The following KATNB1 variants were observed in gnomAD, a reference collection of about 807,000 sequenced individuals.
KATNB1 encodes katanin p80 WD40 repeat-containing subunit B1.
In KATNB1, 38 loss-of-function variants were observed where a neutral mutation model predicts 82.3. That is an observed-to-expected ratio of 0.46 (90% CI 0.36 to 0.61). KATNB1 has a LOEUF of 0.61. KATNB1 is among the 20% of genes least tolerant of loss of function. The pLI, the probability that KATNB1 is intolerant of heterozygous loss-of-function variation, is 0.00. For synonymous variants in KATNB1, 361 were observed against 368.7 expected (o/e 0.98, Z 0.24); for missense variants, 749 against 915.7 (o/e 0.82, Z 2.35).
In KATNB1 at chr16:57,757,035, C is replaced by T. The variant is rs2049298830; in HGVS notation, c.*89C>T. 3.7e-6 allele frequency: 5 copies of T among 1,352,190 alleles called. No homozygotes were observed. The highest frequency in any genetic ancestry group is 4.8e-6 in the Non-Finnish European group (5 of 1,041,878). The allele number at this position is 1,352,190 out of a possible 1,614,324, so 83.8% of individuals were successfully genotyped here. On this transcript the variant is annotated 3_prime_UTR_variant, in exon 20 of 20. Transcript: ENST00000379661. ...CCTTGTGCACCCACTGGCCCATGAG[C>T]CTCTGCCTGGCCCCTGCTGCTGTCC... is the stretch of plus-strand genomic sequence containing the variant.
Position 57,737,196 on chromosome 16 carries a change from G to T in KATNB1, c.-48G>T, listed in dbSNP as rs2049107334. The T allele has an allele frequency of 1.2e-6, 2 of 1,611,912 alleles. No homozygotes were observed. The highest frequency in any genetic ancestry group is 1.7e-6 in the Non-Finnish European group (2 of 1,178,716). ...GATCCACCCCCACCCCACGAGGAAA[G>T]CACAGTTTATTTTGTGGGTGGGGCT... On this transcript the variant is annotated 5_prime_UTR_variant, in exon 2 of 20. Transcript: ENST00000379661.
intron 1 of KATNB1, among the ~76,000 whole-genome samples, chr16:57,736,499 C>T (rs1261714671): frequency 1.3e-5 from 2 of 152,096 alleles, no homozygotes; most frequent in African/African-American, 4.8e-5. Flanking sequence ...GGAGCGGTTC[C>T]CTTGCCAGGA....
chr16:57,755,696 C>A, intron 16 of KATNB1, 145 bp from the exon 17 acceptor site: 1 of 973,674 alleles, frequency 1.0e-6, no homozygotes, highest in Non-Finnish European at 1.5e-6. Flanking sequence ...ACATGCCTGG[C>A]CTTACACTCA....
intron 19 of KATNB1, 61 bp downstream of exon 19, chr16:57,756,533 G>C: frequency 1.4e-6 from 2 of 1,429,616 alleles, no homozygotes; most frequent in Non-Finnish European, 1.9e-6. Context: ...ACAAAGGCCT[G>C]GAGGCCTGGG....
intron 16 of KATNB1, 34 bp downstream of exon 16, chr16:57,755,528 G>C: frequency 6.3e-7 from 1 of 1,593,528 alleles, no homozygotes. Context: ...GCCTCATCTC[G>C]CCCCCCTGCC....
At chr16:57,753,340 G>C in intron 11 of KATNB1, 49 bp from the exon 12 acceptor site, 1 of 1,588,748 alleles carries the variant, frequency 6.3e-7, no homozygotes, top group Non-Finnish European at 8.6e-7. Flanking sequence ...TTCCAGCCCT[G>C]GGCCTCACAG....
intron 4 of KATNB1, among the ~76,000 whole-genome samples, chr16:57,746,545 C>T (rs1300465383): frequency 6.6e-6 from 1 of 152,226 alleles, no homozygotes; most frequent in Non-Finnish European, 1.5e-5. Context: ...TCGCCCACTG[C>T]TCCTGTGCTG....
chr16:57,752,229 C>T (rs1190344183), intron 8 of KATNB1, 174 bp downstream of exon 8: 12 of 650,258 alleles, frequency 1.8e-5, no homozygotes, highest in Non-Finnish European at 3.3e-5. Flanking sequence ...TCCATCTCCC[C>T]TGGCTCTGGT....
intron 2 of KATNB1, among the ~76,000 whole-genome samples, chr16:57,738,114 T>G (rs1256988147): frequency 6.6e-6 from 1 of 152,186 alleles, no homozygotes; most frequent in Admixed American, 6.5e-5. Flanking sequence ...GATCATATTT[T>G]GAGAATTCCC....
At chr16:57,738,064 A>T (rs1280171601) in intron 2 of KATNB1, among the ~76,000 whole-genome samples, 1 of 152,238 alleles carries the variant, frequency 6.6e-6, no homozygotes. Context: ...TTGTCTTCTC[A>T]GACCCCCCGA....
At chr16:57,756,114 G>A (rs977362479) in intron 18 of KATNB1, 48 bp downstream of exon 18, 2 of 1,579,916 alleles carry the variant, frequency 1.3e-6, no homozygotes, top group Non-Finnish European at 1.7e-6. Flanking sequence ...GAGGGGAGAG[G>A]TAAGAAGCCT....
chr16:57,741,606 G>A, intron 2 of KATNB1, 81 bp from the exon 3 acceptor site: 2 of 1,485,928 alleles, frequency 1.3e-6, no homozygotes, highest in Non-Finnish European at 1.8e-6. Context: ...TTCCAAAGCG[G>A]GTAGCCGAGC....
intron 4 of KATNB1, among the ~76,000 whole-genome samples, chr16:57,744,890 A>G (rs1555580989): frequency 2.0e-5 from 3 of 151,932 alleles, no homozygotes; most frequent in Non-Finnish European, 4.4e-5. Flanking sequence ...GCCATGAAGA[A>G]CCGGGGAGCT....
chr16:57,740,659 G>C (rs1303773858), intron 2 of KATNB1, among the ~76,000 whole-genome samples: 1 of 152,206 alleles, frequency 6.6e-6, no homozygotes, highest in African/African-American at 2.4e-5. Context: ...TGAGGCCCGG[G>C]CCGCCTCTTG....
intron 4 of KATNB1, among the ~76,000 whole-genome samples, chr16:57,745,113 C>T (rs1277057739): frequency 6.6e-6 from 1 of 152,226 alleles, no homozygotes; most frequent in African/African-American, 2.4e-5. Context: ...CCACTCCTTC[C>T]CATTCTCCAT....
intron 3 of KATNB1, among the ~76,000 whole-genome samples, chr16:57,742,230 C>A (rs2049149200): frequency 6.6e-6 from 1 of 152,236 alleles, no homozygotes; most frequent in African/African-American, 2.4e-5. Context: ...TTAATTCATT[C>A]CCAGCCTTCA....
chr16:57,741,963 G>C, intron 3 of KATNB1, 146 bp downstream of exon 3: 1 of 905,972 alleles, frequency 1.1e-6, no homozygotes, highest in Non-Finnish European at 1.7e-6. Context: ...AGGGGTGGAG[G>C]GGGCGTGGTG....
chr16:57,752,628 C>T (rs1555583790), intron 9 of KATNB1, 27 bp downstream of exon 9: 2 of 1,553,076 alleles, frequency 1.3e-6, no homozygotes. Context: ...GTGGGCGGCC[C>T]AGCGCTCCTC....
Position 57,752,892 on chromosome 16 carries a change from C to T in KATNB1, c.819C>T (p.Gly273=). 1 of 1,606,522 alleles carries T rather than the reference C, an allele frequency of 6.2e-7. No individual in the cohort carries two copies. The highest frequency in any genetic ancestry group is 1.1e-5 in the South Asian group (1 of 90,996). Residue 273 remains glycine (G), a synonymous_variant, in exon 10 of 20, where the codon GGC becomes GGT. Transcript: ENST00000379661. The part of the protein sequence containing the change: ...RCFDVVLVNW[G]KVADLAICND... Reference sequence around the variant, plus strand: ...TTGATGTGGTCCTCGTCAACTGGGGCAAGGTGGCCGACCTGGCCATCTGCA... The same window carrying T: ...TTGATGTGGTCCTCGTCAACTGGGGTAAGGTGGCCGACCTGGCCATCTGCA...
Sources: gnomAD v4.1 joint callset for allele counts (sites outside exome capture counted in the v4.1 genomes callset) on GRCh38, gnomAD v4.1.1 for gene constraint, MANE v1.5 for transcripts, NCBI Gene and HGNC (gene_info 2026-07-23, HGNC 2026-07-21) for gene names.